Variants in POLRMT observed in about 807,000 individuals in gnomAD.
The protein encoded by POLRMT is RNA polymerase mitochondrial.
POLRMT carries 114 observed loss-of-function variants against 132.2 expected under a neutral mutation model. The ratio of observed to expected loss-of-function variants is 0.86; its 90% CI spans 0.74 to 1.01. The LOEUF (loss-of-function observed/expected upper bound fraction) is 1.01. Ranked by LOEUF, POLRMT falls within the 50% of genes least tolerant of loss-of-function variation. The probability of loss-of-function intolerance (pLI) is 0.00; values close to 1 mark genes in which losing one functional copy is unlikely to be tolerated. For missense variants in POLRMT, 2,003 were observed against 1,729.1 expected (o/e 1.16, Z -2.81); for synonymous variants, 1,020 against 773.4 (o/e 1.32, Z -5.29).
At chr19:618,805 C>G (rs766491453) in intron 15 of POLRMT, 45 bp from the exon 16 acceptor site, 6 of 1,553,666 alleles carry the variant, frequency 3.9e-6, no homozygotes, top group African/African-American at 1.4e-5. Context: ...AGGCCCAGCA[C>G]GGTGGTGGTA....
chr19:628,632 G>GGC (rs1555677181), intron 3 of POLRMT, among the ~76,000 whole-genome samples: 1 of 36,850 alleles, frequency 2.7e-5, no homozygotes, highest in Non-Finnish European at 5.3e-5. Context: ...GAAGGATCAT[G>GGC]GGGGGGGAGA....
intron 8 of POLRMT, 103 bp from the exon 9 acceptor site, chr19:622,476 A>G: frequency 6.8e-7 from 1 of 1,464,604 alleles, no homozygotes; most frequent in Non-Finnish European, 9.1e-7. Flanking sequence ...GCCCAAGCAT[A>G]CAGATGAACA....
At position 630,158 on chromosome 19, in the gene POLRMT, C is replaced by G. The variant is rs369019835; in HGVS notation, c.204G>C (p.Ala68=). 193 of 1,594,328 alleles carry G rather than the reference C, an allele frequency of 1.2e-4. No individual in the cohort carries two copies. Among genetic ancestry groups the G allele is most frequent in the Non-Finnish European group, 1.6e-4 (182 of 1,168,786 alleles). The change falls in exon 3 of 21, where the codon GCG becomes GCC. Residue 68 remains alanine (A), a synonymous_variant. Coordinates refer to ENST00000588649, the MANE Select transcript of POLRMT (RefSeq NM_005035.4). ...TCTCAGCCTGCAGCTGCCGCACCCG[C>G]GCCTGGAGCACTGTGAGGGGCAGAA... The part of the protein sequence containing the change: ...GHVELLEVLQ[A]RVRQLQAESV...
At position 623,394 on chromosome 19, in the gene POLRMT, T is replaced by C. The variant is rs545497638; in HGVS notation, c.1290+60A>G. 503 of 1,543,242 alleles carry C rather than the reference T, an allele frequency of 3.3e-4. 1 individual carries two copies. The highest frequency in any genetic ancestry group is 3.9e-4 in the Non-Finnish European group (443 of 1,141,622). ...CGGGACCCCGGCTCAGCCCGTGCGG[T>C]GGACACGCGACCCCGGCTCAGCCCC... On this transcript the variant is annotated intron_variant, in intron 6 of 20. Coordinates refer to ENST00000588649, the MANE Select transcript of POLRMT (RefSeq NM_005035.4).
At position 620,121 on chromosome 19, in the gene POLRMT, G is replaced by A. The variant is rs184415798; in HGVS notation, c.2764-41C>T. On this transcript the variant is annotated intron_variant, in intron 11 of 20. Transcript: ENST00000588649. ...CAAACGGGAGATGGAAGCTAGAGAG[G>A]CAGAGACGTGTGGGACCCCAAACCA... The A allele has an allele frequency of 1.5e-3, 2,313 of 1,532,142 alleles. 55 individuals are homozygous for A. In the Admixed American group the frequency reaches 0.039, roughly 26 times the overall value. The allele number at this position is 1,532,142 out of a possible 1,614,324, so 94.9% of individuals were successfully genotyped here.
At chr19:630,509 G>T (rs761994267) in intron 2 of POLRMT, among the ~76,000 whole-genome samples, 3 of 151,938 alleles carry the variant, frequency 2.0e-5, no homozygotes, top group African/African-American at 7.3e-5. Context: ...AACTCCCTCC[G>T]TCCACCTCTC....
In POLRMT at chr19:618,833, A is replaced by G. The variant is rs1027015981; in HGVS notation, c.3268-73T>C. The G allele has an allele frequency of 1.4e-5, 21 of 1,504,314 alleles. No individual in the cohort carries two copies. In the African/African-American group the frequency reaches 2.6e-4, roughly 19 times the overall value. The allele number at this position is 1,504,314 out of a possible 1,614,324, so 93.2% of individuals were successfully genotyped here. On this transcript the variant is annotated intron_variant, in intron 15 of 20. Transcript: ENST00000588649. ...TGGTGGTACATTGAGGTGGTGGTAC[A>G]CTGGGGTAGTGGCACGCTAGGATGG...
At chr19:626,733 T>C (rs1299388595) in intron 3 of POLRMT, among the ~76,000 whole-genome samples, 1 of 141,674 alleles carries the variant, frequency 7.1e-6, no homozygotes, top group Non-Finnish European at 1.5e-5. Flanking sequence ...TGGTGGCACA[T>C]GCCTGTAATC....
Position 620,028 on chromosome 19 carries a change from A to C in POLRMT, c.2816T>G (p.Val939Gly). Residue 939 changes from valine (V) to glycine (G), a missense_variant, in exon 12 of 21, where the codon GTG becomes GGG. Val to Gly is a moderately radical substitution (Grantham distance 109). Coordinates refer to ENST00000588649, the MANE Select transcript of POLRMT (RefSeq NM_005035.4). ...CTCCAGGTTGACGGAGGCGGCGCCC[A>C]CGCTGTCGCGGCCCAGAGCAGCATA... ...QHYAALGRDS[V>G]GAASVNLEPS... The C allele has an allele frequency of 6.4e-7, 1 of 1,567,630 alleles. No individual in the cohort carries two copies. Among genetic ancestry groups the C allele is most frequent in the South Asian group, 1.1e-5 (1 of 87,008 alleles).
At chr19:619,520 C>A in intron 13 of POLRMT, 66 bp downstream of exon 13, 1 of 1,585,590 alleles carries the variant, frequency 6.3e-7, no homozygotes. Context: ...GGGTCGGGGG[C>A]ACACCCGTCT....
At chr19:633,247 G>T in intron 1 of POLRMT, 178 bp downstream of exon 1, 1 of 780,900 alleles carries the variant, frequency 1.3e-6, no homozygotes, top group Non-Finnish European at 1.9e-6. Flanking sequence ...AGGTCAGACT[G>T]CACGGAGGAG....
At chr19:623,695 C>T (rs41560520) in intron 5 of POLRMT, 92 bp from the exon 6 acceptor site, 7 of 1,452,406 alleles carry the variant, frequency 4.8e-6, no homozygotes, top group East Asian at 2.3e-5. Context: ...CGCGTTTCTG[C>T]GTCTCCTGCA....
At chr19:620,967 G>C in intron 10 of POLRMT, 91 bp downstream of exon 10, 1 of 705,666 alleles carries the variant, frequency 1.4e-6, no homozygotes. Flanking sequence ...GACGGGCAGG[G>C]GGCGCGGGGG....
At position 621,821 on chromosome 19, in the gene POLRMT, G is replaced by C; in HGVS notation, c.1877C>G (p.Ala626Gly). 6.2e-7 allele frequency: 1 copy of C among 1,602,366 alleles called. No individual in the cohort carries two copies. The highest frequency in any genetic ancestry group is 8.5e-7 in the Non-Finnish European group (1 of 1,179,818). Residue 626 changes from alanine to glycine, a missense_variant, in exon 10 of 21, where the codon GCC (alanine) becomes GGC (glycine). Transcript: ENST00000588649. ...GGCCTTCTCCAGCAGCTGCACGTAG[G>C]CCGGGTGCGGCTTCAGGATGCCGAT... is the stretch of plus-strand genomic sequence containing the variant. ...QQIGILKPHP[A>G]YVQLLEKAAE...
chr19:627,781 C>T (rs906813633), intron 3 of POLRMT, among the ~76,000 whole-genome samples: 8 of 151,646 alleles, frequency 5.3e-5, no homozygotes, highest in East Asian at 3.9e-4. Flanking sequence ...AAAAATTGGC[C>T]GGGCGTGGTG....
chr19:626,914 T>TAA (rs1329166054), intron 3 of POLRMT, among the ~76,000 whole-genome samples: 2 of 133,758 alleles, frequency 1.5e-5, no homozygotes, highest in African/African-American at 6.4e-5. Context: ...TATATATATA[T>TAA]AAAATAACAT....
intron 11 of POLRMT, 70 bp from the exon 12 acceptor site, chr19:620,150 C>G (rs1644386624): frequency 6.6e-7 from 1 of 1,521,058 alleles, no homozygotes. Context: ...CAAACCACCC[C>G]CCAGGTCGAG....
chr19:620,015 G>T lies in POLRMT; in HGVS notation c.2829C>A (p.Ser943=). 6.3e-7 allele frequency: 1 copy of T among 1,581,122 alleles called. No homozygotes were observed. Among genetic ancestry groups the T allele is most frequent in the Non-Finnish European group, 8.6e-7 (1 of 1,168,114 alleles). ...GCACATCCGAGGGCTCCAGGTTGAC[G>T]GAGGCGGCGCCCACGCTGTCGCGGC... ...ALGRDSVGAA[S]VNLEPSDVPQ... Residue 943 remains serine, a synonymous_variant, in exon 12 of 21, where the codon TCC becomes TCA. Coordinates refer to ENST00000588649, the MANE Select transcript of POLRMT (RefSeq NM_005035.4).
chr19:631,672 C>T (rs935368033), intron 2 of POLRMT, among the ~76,000 whole-genome samples: 2 of 152,058 alleles, frequency 1.3e-5, no homozygotes, highest in African/African-American at 2.4e-5. Context: ...AAAAGACAAG[C>T]GTGATGTCCG....
Sources: allele counts gnomAD v4.1 joint callset (sites outside exome capture counted in the v4.1 genomes callset), GRCh38; gene constraint gnomAD v4.1.1; transcripts MANE v1.5; gene names NCBI Gene and HGNC (gene_info 2026-07-23, HGNC 2026-07-21).